TBC1D9: variants seen among roughly 807,000 people sequenced by gnomAD.
TBC1D9 encodes the protein TBC1 domain family member 9.
TBC1D9 carries 63 observed loss-of-function variants against 132.0 expected under a neutral mutation model. The observed-to-expected ratio is 0.48, with a 90% CI of 0.39 to 0.59. The LOEUF (loss-of-function observed/expected upper bound fraction) is 0.59, where lower values mean the gene tolerates loss of function less well. TBC1D9 is among the 20% of genes least tolerant of loss of function. TBC1D9 has a pLI of 0.00. For synonymous variants in TBC1D9, 610 were observed against 609.9 expected (o/e 1.00, Z 0.00); for missense variants, 1,261 against 1,592.7 (o/e 0.79, Z 3.54).
intron 13 of TBC1D9, among the ~76,000 whole-genome samples, chr4:140,654,721 T>G (rs1378910772): frequency 3.3e-5 from 5 of 152,198 alleles, no homozygotes; most frequent in Non-Finnish European, 7.3e-5. Context: ...GGTGAAACAT[T>G]CATTCTTTAT....
At chr4:140,690,828 G>A (rs1419069999) in intron 2 of TBC1D9, among the ~76,000 whole-genome samples, 1 of 152,040 alleles carries the variant, frequency 6.6e-6, no homozygotes, top group Non-Finnish European at 1.5e-5. Flanking sequence ...AGCACTACTC[G>A]AGTCAGAAGA....
In TBC1D9 at chr4:140,629,925, A is replaced by G. The variant is rs139378620; in HGVS notation, c.2747-1560T>C. Among the ~76,000 whole-genome samples, 88 of 152,352 alleles carry G rather than the reference A, an allele frequency of 5.8e-4. 1 individual carries two copies. The East Asian group carries it at 0.013, about 23-fold the overall frequency. ...ACTTCATATGTATAATCCCACTTAT[A>G]TCTCATAACAATTCTATAAAATGGG... On this transcript the variant is annotated intron_variant, in intron 16 of 20. Coordinates refer to ENST00000442267, the MANE Select transcript of TBC1D9 (RefSeq NM_015130.3).
intron 13 of TBC1D9, among the ~76,000 whole-genome samples, chr4:140,646,206 C>T (rs1018789791): frequency 6.6e-4 from 101 of 152,258 alleles, no homozygotes; most frequent in Non-Finnish European, 1.4e-3. Flanking sequence ...ACAAAGAAAT[C>T]GTAGTTTAGC....
chr4:140,676,835 T>C (rs1413732645), intron 6 of TBC1D9, 59 bp downstream of exon 6: 10 of 1,582,824 alleles, frequency 6.3e-6, no homozygotes, highest in Non-Finnish European at 8.6e-6. Flanking sequence ...TTATTCCTGG[T>C]TCACCCAGAA....
rs201548614 is a variant in TBC1D9, at chr4:140,716,921, T to TAA, written c.131-15309_131-15308dup. ...ACTGAGTTTAGAGTAATGGGGGCTG[T>TAA]AAAAAAAAAAAAAACACAAACAACA... On this transcript the variant is annotated intron_variant, in intron 1 of 20. Coordinates refer to ENST00000442267, the MANE Select transcript of TBC1D9 (RefSeq NM_015130.3). Among the ~76,000 whole-genome samples the TAA allele has an allele frequency of 6.8e-3, 920 of 134,590 alleles. 6 individuals are homozygous for TAA. The highest frequency in any genetic ancestry group is 0.022 in the African/African-American group (798 of 35,786). The allele number at this position is 134,590 out of a possible 152,430, so 88.3% of individuals were successfully genotyped here.
chr4:140,663,746 T>TAAG (rs1737400893), intron 9 of TBC1D9, among the ~76,000 whole-genome samples: 1 of 151,996 alleles, frequency 6.6e-6, no homozygotes, highest in South Asian at 2.1e-4. Flanking sequence ...GATAACATGG[T>TAAG]TGAACCCAGA....
chr4:140,623,518 T>A (rs1379435562), intron 20 of TBC1D9, among the ~76,000 whole-genome samples: 1 of 152,222 alleles, frequency 6.6e-6, no homozygotes, highest in Non-Finnish European at 1.5e-5. Flanking sequence ...TTTTCCCTTT[T>A]TGAAACATCT....
chr4:140,680,258 C>A (rs1737683427), intron 3 of TBC1D9, among the ~76,000 whole-genome samples: 1 of 152,160 alleles, frequency 6.6e-6, no homozygotes, highest in Non-Finnish European at 1.5e-5. Flanking sequence ...AGACCAAACA[C>A]ATGTCACCAA....
chr4:140,638,809 C>T (rs1376296228), intron 15 of TBC1D9, among the ~76,000 whole-genome samples: 4 of 152,076 alleles, frequency 2.6e-5, no homozygotes, highest in Non-Finnish European at 5.9e-5. Context: ...AACTTGATCA[C>T]CATTGTTTTT....
At chr4:140,731,528 T>G (rs1036718375) in intron 1 of TBC1D9, among the ~76,000 whole-genome samples, 1 of 152,036 alleles carries the variant, frequency 6.6e-6, no homozygotes, top group Non-Finnish European at 1.5e-5. Flanking sequence ...CCTGTCTCTA[T>G]AAAAATAAAA....
intron 1 of TBC1D9, among the ~76,000 whole-genome samples, chr4:140,738,940 TGGGAGAA>T (rs1321724285): frequency 2.0e-5 from 3 of 152,142 alleles, no homozygotes; most frequent in Non-Finnish European, 4.4e-5. Flanking sequence ...CATCAAAACA[TGGGAGAA>T]GGGAGAAGGT....
At chr4:140,675,391 A>G (rs1194857613) in intron 6 of TBC1D9, among the ~76,000 whole-genome samples, 1 of 152,102 alleles carries the variant, frequency 6.6e-6, no homozygotes, top group Non-Finnish European at 1.5e-5. Context: ...CTGATCAAAT[A>G]CCCAAAGCCT....
chr4:140,740,184 C>T (rs1338166277), intron 1 of TBC1D9, among the ~76,000 whole-genome samples: 1 of 152,192 alleles, frequency 6.6e-6, no homozygotes, highest in Non-Finnish European at 1.5e-5. Flanking sequence ...CTGAGTCATA[C>T]AACAGGCCTC....
rs190153862 is a variant in TBC1D9 at position 140,624,336 on chromosome 4, C to T, written c.2952G>A (p.Thr984=). ...TACCTTTGTCTGGCTTTAGGCTCAC[C>T]GTAACAAAGCCATCATCTGCACCCT... ...SKQGADDGFV[T]VSLKPDKGKR... Residue 984 remains threonine, a synonymous_variant, in exon 19 of 21, where the codon ACG becomes ACA. Coordinates refer to ENST00000442267, the MANE Select transcript of TBC1D9 (RefSeq NM_015130.3). The T allele has an allele frequency of 2.7e-5, 44 of 1,613,718 alleles. No individual in the cohort carries two copies. The Admixed American group carries it at 4.2e-4, about 15-fold the overall frequency.
intron 13 of TBC1D9, among the ~76,000 whole-genome samples, chr4:140,650,724 G>A (rs951248420): frequency 3.3e-5 from 5 of 151,812 alleles, no homozygotes; most frequent in East Asian, 1.9e-4. Flanking sequence ...TAGTAGAGAC[G>A]GGGTTTTGCC....
intron 1 of TBC1D9, among the ~76,000 whole-genome samples, chr4:140,751,395 C>T (rs1157703896): frequency 6.6e-6 from 1 of 152,080 alleles, no homozygotes; most frequent in Non-Finnish European, 1.5e-5. Flanking sequence ...GTTTAAAATA[C>T]AATACCTAAC....
chr4:140,669,613 G>C (rs755140006), intron 8 of TBC1D9, 21 bp downstream of exon 8: 4 of 1,591,946 alleles, frequency 2.5e-6, no homozygotes, highest in East Asian at 2.3e-5. Context: ...AAAGTTTCAG[G>C]GAAAAGTGAG....
chr4:140,707,331 T>C (rs1738164220), intron 1 of TBC1D9, among the ~76,000 whole-genome samples: 1 of 152,230 alleles, frequency 6.6e-6, no homozygotes, highest in Non-Finnish European at 1.5e-5. Flanking sequence ...TCTAGAAGCT[T>C]CCATTTATAT....
At position 140,712,449 on chromosome 4, in the gene TBC1D9, A is replaced by AATATATATAT. The variant is rs10530134; in HGVS notation, c.131-10845_131-10836dup. On this transcript the variant is annotated intron_variant, in intron 1 of 20. Coordinates refer to ENST00000442267, the MANE Select transcript of TBC1D9 (RefSeq NM_015130.3). ...CTGAATATGCTCTTTAAAAAAAAAG[A>AATATATATAT]ATATATATATATGCCAGGTGCGGTG... 1.4e-3 allele frequency among the ~76,000 whole-genome samples: 139 copies of AATATATATAT among 102,688 alleles called. 13 individuals carry two copies. The highest frequency in any genetic ancestry group is 4.5e-3 in the African/African-American group (93 of 20,644). The allele number at this position is 102,688 out of a possible 152,430, so 67.4% of individuals were successfully genotyped here. A position where few individuals can be genotyped will look rare whatever the true frequency, so the allele number is the denominator to read the frequency against.
Sources: allele counts gnomAD v4.1 joint callset (sites outside exome capture counted in the v4.1 genomes callset), GRCh38; gene constraint gnomAD v4.1.1; transcripts MANE v1.5; gene names NCBI Gene and HGNC (gene_info 2026-07-23, HGNC 2026-07-21).